The following SLC25A12 variants were observed in gnomAD, a reference collection of about 807,000 sequenced individuals.
SLC25A12 encodes electrogenic aspartate/glutamate antiporter SLC25A12, mitochondrial.
A neutral mutation model predicts 83.3 loss-of-function variants in SLC25A12; 32 were observed. The observed-to-expected ratio is 0.38, with a 90% CI of 0.29 to 0.52. The LOEUF (loss-of-function observed/expected upper bound fraction) is 0.52, where lower values mean the gene tolerates loss of function less well. SLC25A12 is among the 20% of genes least tolerant of loss of function. The pLI, the probability that SLC25A12 is intolerant of heterozygous loss-of-function variation, is 0.84. For missense variants in SLC25A12, 611 were observed against 835.6 expected (o/e 0.73, Z 3.31); for synonymous variants, 267 against 291.1 (o/e 0.92, Z 0.84).
At chr2:171,886,447 G>T (rs1355771819) in intron 2 of SLC25A12, among the ~76,000 whole-genome samples, 270 of 132,662 alleles carry the variant, frequency 2.0e-3, no homozygotes, top group African/African-American at 7.1e-3. Flanking sequence ...TGCCTAGGCT[G>T]TTTTTTTTTT....
intron 2 of SLC25A12, among the ~76,000 whole-genome samples, chr2:171,886,663 C>A (rs2105932352): frequency 6.6e-6 from 1 of 152,112 alleles, no homozygotes. Context: ...GCACCCGCCA[C>A]CATGCCCGGC....
Position 171,844,357 on chromosome 2 carries a change from A to T in SLC25A12, c.465+12T>A. On this transcript the variant is annotated intron_variant, in intron 5 of 17. Coordinates refer to ENST00000422440, the MANE Select transcript of SLC25A12 (RefSeq NM_003705.5). ...AGTATATATTGATACCTGTTATGAA[A>T]ACTAAGCTCACCTGGAGAAACTGCG... The T allele has an allele frequency of 6.2e-7, 1 of 1,613,684 alleles. No homozygotes were observed. Among genetic ancestry groups the T allele is most frequent in the Non-Finnish European group, 8.5e-7 (1 of 1,179,714 alleles).
intron 13 of SLC25A12, among the ~76,000 whole-genome samples, chr2:171,797,189 T>A (rs999183717): frequency 1.3e-5 from 2 of 152,202 alleles, no homozygotes; most frequent in African/African-American, 2.4e-5. Context: ...TAAAAAATAG[T>A]ACCTGTATTT....
rs978515044 is a variant in SLC25A12, at chr2:171,793,050, G to GT, written c.1446+576dup. 1.4e-3 allele frequency among the ~76,000 whole-genome samples: 219 copies of GT among 151,606 alleles called. 1 individual carries two copies. Among genetic ancestry groups the GT allele is most frequent in the African/African-American group, 5.1e-3 (210 of 41,356 alleles). On this transcript the variant is annotated intron_variant, in intron 14 of 17. Transcript: ENST00000422440. ...TTACATCTGATCTGTAATGATGGGA[G>GT]TAAGTATACCCGCAGGGAAGGAATC...
chr2:171,791,307 C>A (rs1476684356), intron 15 of SLC25A12, 144 bp downstream of exon 15: 17 of 755,554 alleles, frequency 2.3e-5, no homozygotes, highest in Non-Finnish European at 3.5e-5. Flanking sequence ...TACAGCACAT[C>A]CCACAAAGGA....
chr2:171,852,047 T>C (rs1684946765), intron 4 of SLC25A12, among the ~76,000 whole-genome samples: 1 of 152,166 alleles, frequency 6.6e-6, no homozygotes, highest in Admixed American at 6.6e-5. Context: ...CAGTAACAGA[T>C]ATACAAACCA....
At chr2:171,804,509 C>T (rs1683782076) in intron 13 of SLC25A12, among the ~76,000 whole-genome samples, 1 of 152,204 alleles carries the variant, frequency 6.6e-6, no homozygotes, top group African/African-American at 2.4e-5. Flanking sequence ...GATCCACACA[C>T]CTCAGCCTCC....
chr2:171,873,202 A>C lies in SLC25A12; in HGVS notation c.67-4379T>G, dbSNP rs149810462. On this transcript the variant is annotated intron_variant, in intron 2 of 17. Transcript: ENST00000422440. ...AGTGGCTCACACCTGTAATCCCAGC[A>C]CTTTGGGAGGCTGAGGCAGGCAGAT... is the stretch of plus-strand genomic sequence containing the variant. Among the ~76,000 whole-genome samples the C allele has an allele frequency of 1.6e-3, 238 of 152,316 alleles. 1 individual carries two copies. Among genetic ancestry groups the C allele is most frequent in the African/African-American group, 5.6e-3 (232 of 41,568 alleles).
intron 13 of SLC25A12, among the ~76,000 whole-genome samples, chr2:171,803,017 G>A (rs1004459140): frequency 6.6e-6 from 1 of 151,632 alleles, no homozygotes; most frequent in African/African-American, 2.4e-5. Flanking sequence ...ATGCATAAGA[G>A]CATGTACACA....
chr2:171,849,120 G>A (rs1684858172), intron 4 of SLC25A12, among the ~76,000 whole-genome samples: 1 of 151,672 alleles, frequency 6.6e-6, no homozygotes, highest in Admixed American at 6.6e-5. Context: ...AACCCAGGAG[G>A]TGGAGGTTGC....
chr2:171,869,727 T>A (rs886583808), intron 2 of SLC25A12, among the ~76,000 whole-genome samples: 1 of 152,194 alleles, frequency 6.6e-6, no homozygotes, highest in East Asian at 1.9e-4. Flanking sequence ...TTGAGTTGCA[T>A]CAGATTGATT....
At chr2:171,858,394 A>G (rs1186787041) in intron 3 of SLC25A12, among the ~76,000 whole-genome samples, 1 of 152,254 alleles carries the variant, frequency 6.6e-6, no homozygotes, top group Non-Finnish European at 1.5e-5. Flanking sequence ...TTCTTTAAAA[A>G]GGCATAACAT....
At chr2:171,838,053 G>GA (rs1356092752) in intron 5 of SLC25A12, among the ~76,000 whole-genome samples, 2 of 152,198 alleles carry the variant, frequency 1.3e-5, no homozygotes, top group East Asian at 3.9e-4. Flanking sequence ...CTGTTGTGGG[G>GA]ATCCATGACT....
chr2:171,814,989 A>G lies in SLC25A12; in HGVS notation c.1012+132T>C, dbSNP rs143218938. ...GTCTCCTGATCATAGGTAAAAATAA[A>G]GAACACTTCAGAAAGCCCTGAAGTC... On this transcript the variant is annotated intron_variant, in intron 10 of 17. Coordinates refer to ENST00000422440, the MANE Select transcript of SLC25A12 (RefSeq NM_003705.5). The G allele has an allele frequency of 5.2e-4, 386 of 736,342 alleles. 1 individual carries two copies. The African/African-American group carries it at 6.3e-3, about 12-fold the overall frequency. The allele number at this position is 736,342 out of a possible 1,614,324, so 45.6% of individuals were successfully genotyped here.
chr2:171,803,744 C>A (rs1260362906), intron 13 of SLC25A12, among the ~76,000 whole-genome samples: 1 of 152,044 alleles, frequency 6.6e-6, no homozygotes, highest in East Asian at 1.9e-4. Context: ...GATGTTCACA[C>A]CTGTGAACAG....
chr2:171,811,014 G>GA (rs1405860457), intron 11 of SLC25A12, among the ~76,000 whole-genome samples: 1 of 152,040 alleles, frequency 6.6e-6, no homozygotes, highest in African/African-American at 2.4e-5. Flanking sequence ...AACTGGAAAA[G>GA]AAAAAAATAA....
chr2:171,885,500 T>A (rs1475004797), intron 2 of SLC25A12, among the ~76,000 whole-genome samples: 1 of 151,908 alleles, frequency 6.6e-6, no homozygotes, highest in Non-Finnish European at 1.5e-5. Flanking sequence ...ACCAAGATGG[T>A]GAAACCCTGT....
intron 2 of SLC25A12, among the ~76,000 whole-genome samples, chr2:171,876,331 C>T (rs1220811357): frequency 6.6e-6 from 1 of 152,174 alleles, no homozygotes; most frequent in Admixed American, 6.5e-5. Context: ...AACTAATTAA[C>T]TCATTAAATT....
chr2:171,790,166 A>C (rs2105835983), intron 15 of SLC25A12, among the ~76,000 whole-genome samples: 1 of 152,334 alleles, frequency 6.6e-6, no homozygotes, highest in Non-Finnish European at 1.5e-5. Context: ...CCTACCACAC[A>C]ACAAGCACAG....
Sources: gnomAD v4.1 joint callset for allele counts (sites outside exome capture counted in the v4.1 genomes callset) on GRCh38, gnomAD v4.1.1 for gene constraint, MANE v1.5 for transcripts, NCBI Gene and HGNC (gene_info 2026-07-23, HGNC 2026-07-21) for gene names.